Variants in SNX25 observed in about 807,000 individuals in gnomAD.
The protein encoded by SNX25 is sorting nexin-25.
In SNX25, 62 loss-of-function variants were observed where a neutral mutation model predicts 113.7. That is an observed-to-expected ratio of 0.55 (90% CI 0.44 to 0.67). SNX25 has a LOEUF of 0.67. Among genes scored for constraint, SNX25 ranks in the 30% least tolerant of loss-of-function variants. The pLI is 0.00. For missense variants in SNX25, 1,014 were observed against 1,161.0 expected, an observed-to-expected ratio of 0.87 and a Z score of 1.84; for synonymous variants, 421 against 436.2, an observed-to-expected ratio of 0.97 and a Z score of 0.43.
rs535414579 is a variant in SNX25, at chr4:185,245,120, C to T, written c.430-2174C>T. On this transcript the variant is annotated intron_variant, in intron 1 of 18. Transcript: ENST00000652585. ...GTCATGTGGCAGTGCTGGTCAAGAA[C>T]TTGTAATATTTCTCACGTGAAAAAA... Among the ~76,000 whole-genome samples the T allele has an allele frequency of 7.7e-4, 117 of 151,898 alleles. 1 individual carries two copies. Among genetic ancestry groups the T allele is most frequent in the African/African-American group, 2.7e-3 (110 of 41,424 alleles).
downstream of SNX25, among the ~76,000 whole-genome samples, chr4:185,371,975 G>A (rs2095417637): frequency 6.6e-6 from 1 of 152,192 alleles, no homozygotes; most frequent in Admixed American, 6.5e-5. Flanking sequence ...ACCCAGGTCT[G>A]TCTCCCCGAC....
At chr4:185,254,217 A>T (rs1031194881) in intron 2 of SNX25, among the ~76,000 whole-genome samples, 1 of 152,100 alleles carries the variant, frequency 6.6e-6, no homozygotes, top group Non-Finnish European at 1.5e-5. Flanking sequence ...GGATAAATAC[A>T]TAGCTCTATC....
chr4:185,280,909 T>C (rs1420556834), intron 5 of SNX25, among the ~76,000 whole-genome samples: 2 of 152,212 alleles, frequency 1.3e-5, no homozygotes, highest in Middle Eastern at 6.3e-3. Context: ...AGTATATCTA[T>C]CTTGCAGCTT....
At chr4:185,240,094 G>C (rs1180310057) in intron 1 of SNX25, among the ~76,000 whole-genome samples, 2 of 151,882 alleles carry the variant, frequency 1.3e-5, no homozygotes, top group African/African-American at 2.4e-5. Context: ...TAAGGTCATA[G>C]ATCAACAGGA....
In SNX25 at chr4:185,320,948, A is replaced by G. The variant is rs866260968; in HGVS notation, c.1476+84A>G. 1.3e-5 allele frequency: 16 copies of G among 1,214,304 alleles called. No homozygotes were observed. In the Middle Eastern group the frequency reaches 1.0e-3, roughly 79 times the overall value. 75.2% of individuals were successfully genotyped at this position (1,214,304 alleles called of 1,614,324 possible). A position where few individuals can be genotyped will look rare whatever the true frequency, so the allele number is the denominator to read the frequency against. ...AGGCAGCATGTCTGTTTTTCTCAAGATAAGTATACATTAAAAATATTTTAA... is the reference window on the plus strand; with the variant it reads ...AGGCAGCATGTCTGTTTTTCTCAAGGTAAGTATACATTAAAAATATTTTAA... On this transcript the variant is annotated intron_variant, in intron 8 of 18. Coordinates refer to ENST00000652585, the MANE Select transcript of SNX25 (RefSeq NM_001378034.2).
At chr4:185,307,536 C>CT (rs1302498011) in intron 6 of SNX25, among the ~76,000 whole-genome samples, 1 of 152,110 alleles carries the variant, frequency 6.6e-6, no homozygotes, top group Non-Finnish European at 1.5e-5. Flanking sequence ...ATCACTCAGT[C>CT]TTTTACCCCC....
chr4:185,298,557 C>T lies in SNX25; in HGVS notation c.1162+10475C>T, dbSNP rs1022191789. Among the ~76,000 whole-genome samples the T allele has an allele frequency of 9.2e-5, 14 of 152,064 alleles. No individual in the cohort carries two copies. In the East Asian group the frequency reaches 1.7e-3, roughly 19 times the overall value. Reference sequence around the variant, plus strand: ...CTTCCCATTTTTCTTATAATGAAGACGCTTGACATGATCTACAAGGTCTTG... The same window carrying T: ...CTTCCCATTTTTCTTATAATGAAGATGCTTGACATGATCTACAAGGTCTTG... On this transcript the variant is annotated intron_variant, in intron 6 of 18. Coordinates refer to ENST00000652585, the MANE Select transcript of SNX25 (RefSeq NM_001378034.2).
At chr4:185,298,526 C>T (rs1753175823) in intron 6 of SNX25, among the ~76,000 whole-genome samples, 1 of 152,102 alleles carries the variant, frequency 6.6e-6, no homozygotes, top group Non-Finnish European at 1.5e-5. Context: ...TAAAACTCAT[C>T]ATTGTCTTCC....
intron 10 of SNX25, among the ~76,000 whole-genome samples, chr4:185,338,279 T>TG (rs2095242305): frequency 1.6e-5 from 2 of 128,358 alleles, no homozygotes; most frequent in South Asian, 2.2e-4. Flanking sequence ...ATTCTGTGTG[T>TG]TTTTTTTTTT....
downstream of SNX25, chr4:185,366,726 T>C (rs28428553): frequency 0.26 from 38,821 of 152,162 alleles, 5,281 homozygotes; most frequent in African/African-American, 0.35. Flanking sequence ...TTTAAATGAC[T>C]GAAACAAAAT....
At chr4:185,310,403 T>C (rs1194215553) in intron 6 of SNX25, among the ~76,000 whole-genome samples, 13 of 150,650 alleles carry the variant, frequency 8.6e-5, no homozygotes. Context: ...TAAAAAAATG[T>C]TTTACCTTTG....
chr4:185,248,850 C>T (rs142680646), intron 2 of SNX25, among the ~76,000 whole-genome samples: 102 of 152,262 alleles, frequency 6.7e-4, no homozygotes, highest in African/African-American at 2.4e-3. Context: ...CAACACCCAC[C>T]CTTCATGGTA....
At chr4:185,306,009 C>T (rs556565227) in intron 6 of SNX25, among the ~76,000 whole-genome samples, 3 of 152,258 alleles carry the variant, frequency 2.0e-5, no homozygotes, top group Admixed American at 2.0e-4. Context: ...TGTGATTAAC[C>T]CAGTTTCTAA....
intron 5 of SNX25, among the ~76,000 whole-genome samples, chr4:185,273,879 TGTG>T (rs1440997716): frequency 1.3e-5 from 2 of 152,098 alleles, no homozygotes; most frequent in Non-Finnish European, 2.9e-5. Context: ...GTCCGGGACT[TGTG>T]GTGTGGGGGC....
At chr4:185,221,593 C>G (rs1739868349) in intron 1 of SNX25, among the ~76,000 whole-genome samples, 1 of 152,132 alleles carries the variant, frequency 6.6e-6, no homozygotes, top group Admixed American at 6.5e-5. Flanking sequence ...TTGGCTCCCT[C>G]TTCCATTGAT....
chr4:185,320,727 T>G lies in SNX25; in HGVS notation c.1345-6T>G, dbSNP rs201704303. The G allele has an allele frequency of 4.7e-6, 7 of 1,500,906 alleles. No individual in the cohort carries two copies. In the Admixed American group the frequency reaches 7.1e-5, roughly 15 times the overall value. 93.0% of individuals were successfully genotyped at this position (1,500,906 alleles called of 1,614,324 possible). Reference sequence around the variant, plus strand: ...TAAAAAAAGTTTTCTTAAATTCTCTTAATAGATTCTTCAGTTTGAAGATAT... The same window carrying G: ...TAAAAAAAGTTTTCTTAAATTCTCTGAATAGATTCTTCAGTTTGAAGATAT... On this transcript the variant is annotated splice_polypyrimidine_tract_variant and splice_region_variant and intron_variant, in intron 7 of 18. Coordinates refer to ENST00000652585, the MANE Select transcript of SNX25 (RefSeq NM_001378034.2).
At chr4:185,353,163 AAAAT>A (rs1282144961) in intron 14 of SNX25, 15 of 190,968 alleles carry the variant, frequency 7.9e-5, no homozygotes, top group African/African-American at 3.3e-4. Context: ...AAGGGAGTGA[AAAAT>A]AAAAAATAAG....
Position 185,210,958 on chromosome 4 carries a change from G to A in SNX25, c.429+703G>A, listed in dbSNP as rs1737689096. On this transcript the variant is annotated intron_variant, in intron 1 of 18. Coordinates refer to ENST00000652585, the MANE Select transcript of SNX25 (RefSeq NM_001378034.2). This position sits in a 1 kb window ranked among gnomAD's most constrained non-coding sequence, Gnocchi z 4.4. ...TAAATGAGCGCTTCTCTTCTTCAGT[G>A]CCAAACCCACTGCCCCATCTTTCTT... is the stretch of plus-strand genomic sequence containing the variant. Among the ~76,000 whole-genome samples, 1 of 152,102 alleles carries A rather than the reference G, an allele frequency of 6.6e-6. No homozygotes were observed. Among genetic ancestry groups the A allele is most frequent in the Admixed American group, 6.5e-5 (1 of 15,270 alleles).
In SNX25 at chr4:185,334,398, C is replaced by T. The variant is rs562334837; in HGVS notation, c.1914+1639C>T. Among the ~76,000 whole-genome samples the T allele has an allele frequency of 3.3e-5, 5 of 152,218 alleles. No homozygotes were observed. The highest frequency in any genetic ancestry group is 1.2e-4 in the African/African-American group (5 of 41,546). On this transcript the variant is annotated intron_variant, in intron 10 of 18. Coordinates refer to ENST00000652585, the MANE Select transcript of SNX25 (RefSeq NM_001378034.2). This position sits in a 1 kb window ranked among gnomAD's most constrained non-coding sequence, Gnocchi z 4.2. ...GTATTCTGAAAAGGAAACAAATGGCCAGGTTTCCTGGATTGTCATCAGAAA... is the reference window on the plus strand; with the variant it reads ...GTATTCTGAAAAGGAAACAAATGGCTAGGTTTCCTGGATTGTCATCAGAAA...
Sources: allele counts gnomAD v4.1 joint callset (sites outside exome capture counted in the v4.1 genomes callset), GRCh38; gene constraint gnomAD v4.1.1; non-coding constraint Gnocchi (gnomAD v3.1); transcripts MANE v1.5; gene names NCBI Gene and HGNC (gene_info 2026-07-23, HGNC 2026-07-21).